Variants in CTBP1 observed in about 807,000 individuals in gnomAD.
CTBP1 encodes C-terminal-binding protein 1.
A neutral mutation model predicts 42.1 loss-of-function variants in CTBP1; 11 were observed. The ratio of observed to expected loss-of-function variants is 0.26; its 90% CI spans 0.16 to 0.43. The LOEUF (loss-of-function observed/expected upper bound fraction) is 0.43, where lower values mean the gene tolerates loss of function less well. CTBP1 is among the 20% of genes least tolerant of loss of function. CTBP1 has a pLI of 1.00. For synonymous variants in CTBP1, 324 were observed against 277.1 expected, an observed-to-expected ratio of 1.17 and a Z score of -1.68; for missense variants, 399 against 624.3, an observed-to-expected ratio of 0.64 and a Z score of 3.85.
rs532306540 is a variant in CTBP1, at chr4:1,237,195, C to T, written c.162+988G>A. On this transcript the variant is annotated intron_variant, in intron 3 of 9. Coordinates refer to ENST00000382952, the MANE Select transcript of CTBP1 (RefSeq NM_001012614.2). The stretch of plus-strand genomic sequence containing the variant: ...GGCTCAGGATAAACCGAGTGTCCAC[C>T]TCCTGATGGGGCACAGGGCAAACCG... 260 of 669,882 alleles carry T rather than the reference C, an allele frequency of 3.9e-4. 1 individual carries two copies. In the African/African-American group the frequency reaches 4.2e-3, roughly 11 times the overall value. 41.5% of individuals were successfully genotyped at this position (669,882 alleles called of 1,614,324 possible).
Position 1,248,992 on chromosome 4 carries a change from G to A in CTBP1, c.-265C>T, listed in dbSNP as rs992799019. ...AGCGGCCGCGGGCCCCGACCACTCC[G>A]GCGCGCTGCGCCGCCGCGAGCCCGG... On this transcript the variant is annotated 5_prime_UTR_variant, in exon 1 of 10. Coordinates refer to ENST00000382952, the MANE Select transcript of CTBP1 (RefSeq NM_001012614.2). The A allele has an allele frequency of 2.1e-6, 2 of 966,330 alleles. No individual in the cohort carries two copies. The highest frequency in any genetic ancestry group is 2.5e-6 in the Non-Finnish European group (2 of 815,806). The allele number at this position is 966,330 out of a possible 1,614,324, so 59.9% of individuals were successfully genotyped here.
intron 1 of CTBP1, chr4:1,244,066 C>T: frequency 1.0e-6 from 1 of 985,406 alleles, no homozygotes; most frequent in Non-Finnish European, 1.2e-6. Flanking sequence ...GCAGCAGCCC[C>T]CAGGTTCTCT....
chr4:1,244,912 G>A, intron 1 of CTBP1: 2 of 985,414 alleles, frequency 2.0e-6, no homozygotes, highest in African/African-American at 3.5e-5. Context: ...CTGACCCGGA[G>A]CCTTCCAGTC....
chr4:1,245,139 T>C, intron 1 of CTBP1: 1 of 985,218 alleles, frequency 1.0e-6, no homozygotes, highest in Non-Finnish European at 1.2e-6. Context: ...GCCCAAGTCA[T>C]CCACGAGCCG....
intron 5 of CTBP1, among the ~76,000 whole-genome samples, chr4:1,222,555 T>C (rs900023): frequency 0.98 from 148,555 of 152,244 alleles, 72,572 homozygotes; most frequent in East Asian, 1. Flanking sequence ...CCTGCACTCC[T>C]CAGGACGCCG....
chr4:1,248,752 C>G (rs1482403234), intron 1 of CTBP1, 164 bp downstream of exon 1: 3 of 979,572 alleles, frequency 3.1e-6, no homozygotes, highest in Non-Finnish European at 3.6e-6. Context: ...CGGTCCCGCC[C>G]CCGACCGCGG....
chr4:1,221,419 CG>C (rs1560240743), intron 5 of CTBP1: 1 of 154,356 alleles, frequency 6.5e-6, no homozygotes, highest in Non-Finnish European at 1.4e-5. Context: ...ACCCAAGAGA[CG>C]TGAGTCTATG....
intron 2 of CTBP1, among the ~76,000 whole-genome samples, chr4:1,239,686 C>T (rs1450621875): frequency 6.6e-5 from 10 of 152,350 alleles, no homozygotes; most frequent in Non-Finnish European, 1.3e-4. Context: ...CTCCACTGAC[C>T]ACCCCAAAGC....
rs3836584 is a variant in CTBP1 at position 1,228,720 on chromosome 4, AGG to A, written c.163-379_163-378del. ...GGGTCCCGCCTGGCGAGGACACAGG[AGG>A]GGGGGTGCGGCCACACCCAGGAAGG... On this transcript the variant is annotated intron_variant, in intron 3 of 9. Transcript: ENST00000382952. 2.0e-5 allele frequency among the ~76,000 whole-genome samples: 3 copies of A among 151,760 alleles called. No homozygotes were observed. The South Asian group carries it at 6.2e-4, about 31-fold the overall frequency.
chr4:1,242,593 G>C lies in CTBP1; in HGVS notation c.-188-1074C>G, dbSNP rs973321906. 5 of 985,306 alleles carry C rather than the reference G, an allele frequency of 5.1e-6. No homozygotes were observed. The African/African-American group carries it at 8.7e-5, about 17-fold the overall frequency. The allele number at this position is 985,306 out of a possible 1,614,324, so 61.0% of individuals were successfully genotyped here. ...TCCAGAGACACCATCACAGGGGCTG[G>C]GGTGCAGCCCCACGCACGCACCTCC... On this transcript the variant is annotated intron_variant, in intron 1 of 9. Coordinates refer to ENST00000382952, the MANE Select transcript of CTBP1 (RefSeq NM_001012614.2).
chr4:1,248,374 C>A (rs1452634968), intron 1 of CTBP1, among the ~76,000 whole-genome samples: 1 of 151,636 alleles, frequency 6.6e-6, no homozygotes, highest in African/African-American at 2.4e-5. Flanking sequence ...GGCACCCGCG[C>A]CCCGTCCCCT....
chr4:1,237,620 G>C (rs1176153783), intron 3 of CTBP1: 1 of 632,142 alleles, frequency 1.6e-6, no homozygotes, highest in African/African-American at 2.0e-5. Flanking sequence ...TTCACCTCCT[G>C]ATGGGGCTCA....
At chr4:1,224,521 T>C (rs1730110390) in intron 5 of CTBP1, among the ~76,000 whole-genome samples, 1 of 151,728 alleles carries the variant, frequency 6.6e-6, no homozygotes, top group South Asian at 2.1e-4. Context: ...ACGTGTGCTG[T>C]GGCGTGTGAC....
intron 3 of CTBP1, among the ~76,000 whole-genome samples, chr4:1,229,445 C>T (rs1730734097): frequency 6.6e-6 from 1 of 152,254 alleles, no homozygotes; most frequent in Non-Finnish European, 1.5e-5. Context: ...TCCCCGGAGA[C>T]ACCAGTGAGC....
chr4:1,242,113 C>T (rs1283552039), intron 1 of CTBP1: 4 of 985,342 alleles, frequency 4.1e-6, no homozygotes, highest in Non-Finnish European at 2.4e-6. Flanking sequence ...CCCAAAAAAA[C>T]TGCTCAGCTC....
intron 5 of CTBP1, chr4:1,218,539 A>C (rs974587094): frequency 6.6e-6 from 1 of 152,206 alleles, no homozygotes; most frequent in African/African-American, 2.4e-5. Flanking sequence ...GGGGGGCGTA[A>C]ACAAGGCAGA....
chr4:1,241,993 C>A (rs545480229), intron 1 of CTBP1: 4 of 1,002,670 alleles, frequency 4.0e-6, no homozygotes, highest in Non-Finnish European at 4.8e-6. Context: ...CAGGAGCCAC[C>A]GGGAGAGGTG....
Position 1,247,438 on chromosome 4 carries a change from G to A in CTBP1, c.-189+1478C>T, listed in dbSNP as rs546423281. On this transcript the variant is annotated intron_variant, in intron 1 of 9. Transcript: ENST00000382952. ...CAGGAGCCAAACCCAGACCCCAGAG[G>A]GAGGTGGCCAGGCCCGGGCAGGCAG... 3.0e-3 allele frequency among the ~76,000 whole-genome samples: 462 copies of A among 152,196 alleles called. 4 individuals are homozygous for A. Among genetic ancestry groups the A allele is most frequent in the African/African-American group, 1.0e-2 (414 of 41,518 alleles).
rs1733069857 is a variant in CTBP1, at chr4:1,248,911, C to T, written c.-189+5G>A. ...GGCCGGAAACGCGCGCGCGCGCGGCCTTACCAAGCGGCAGGCCCTTGTTGA... is the reference window on the plus strand; with the variant it reads ...GGCCGGAAACGCGCGCGCGCGCGGCTTTACCAAGCGGCAGGCCCTTGTTGA... On this transcript the variant is annotated splice_donor_5th_base_variant and intron_variant, in intron 1 of 9. Coordinates refer to ENST00000382952, the MANE Select transcript of CTBP1 (RefSeq NM_001012614.2). 1.0e-6 allele frequency: 1 copy of T among 993,996 alleles called. No homozygotes were observed. Among genetic ancestry groups the T allele is most frequent in the Non-Finnish European group, 1.2e-6 (1 of 832,904 alleles). The allele number at this position is 993,996 out of a possible 1,614,324, so 61.6% of individuals were successfully genotyped here.
Sources: gnomAD v4.1 joint callset for allele counts (sites outside exome capture counted in the v4.1 genomes callset) on GRCh38, gnomAD v4.1.1 for gene constraint, MANE v1.5 for transcripts, NCBI Gene and HGNC (gene_info 2026-07-23, HGNC 2026-07-21) for gene names.